Variants in LRP1B observed in about 807,000 individuals in gnomAD.
The protein encoded by LRP1B is low-density lipoprotein receptor-related protein 1B.
Under a neutral mutation model 556.6 loss-of-function variants are expected in LRP1B, and 217 were observed. The observed-to-expected ratio is 0.39, with a 90% CI of 0.35 to 0.44. LRP1B has a LOEUF of 0.44. LRP1B is among the 20% of genes least tolerant of loss of function. The pLI is 1.00. For synonymous variants in LRP1B, 2,047 were observed against 1,865.8 expected (o/e 1.10, Z -2.50); for missense variants, 5,053 against 5,620.8 (o/e 0.90, Z 3.23).
intron 31 of LRP1B, among the ~76,000 whole-genome samples, chr2:140,838,184 A>G (rs78067268): frequency 0.02 from 2,975 of 152,284 alleles, 131 homozygotes; most frequent in East Asian, 0.17. Flanking sequence ...CCAAATTACA[A>G]TGTAAGGACT....
At chr2:141,679,545 A>C (rs1035481636) in intron 2 of LRP1B, among the ~76,000 whole-genome samples, 1 of 152,196 alleles carries the variant, frequency 6.6e-6, no homozygotes, top group Non-Finnish European at 1.5e-5. Flanking sequence ...AACCAATTTG[A>C]CTATCTCTAG....
At chr2:140,871,076 A>C (rs545343424) in intron 25 of LRP1B, among the ~76,000 whole-genome samples, 15 of 152,300 alleles carry the variant, frequency 9.8e-5, no homozygotes, top group African/African-American at 3.6e-4. Context: ...TAAAACACTG[A>C]CATTTGGTAA....
intron 1 of LRP1B, among the ~76,000 whole-genome samples, chr2:141,825,830 C>T (rs1696901622): frequency 6.6e-6 from 1 of 152,102 alleles, no homozygotes; most frequent in African/African-American, 2.4e-5. Context: ...GAAGAGGTAA[C>T]CATAAGGACC....
intron 2 of LRP1B, among the ~76,000 whole-genome samples, chr2:141,660,271 C>G (rs550529898): frequency 3.3e-5 from 5 of 152,276 alleles, no homozygotes; most frequent in African/African-American, 9.6e-5. Flanking sequence ...AGTGACCATG[C>G]TACCCTGCCC....
rs1699262310 is a variant in LRP1B at position 141,058,964 on chromosome 2, T to G, written c.1327A>C (p.Asn443His). 1 of 1,600,338 alleles carries G rather than the reference T, an allele frequency of 6.2e-7. No individual in the cohort carries two copies. The highest frequency in any genetic ancestry group is 8.5e-7 in the Non-Finnish European group (1 of 1,172,500). Reference sequence around the variant, plus strand: ...ATTAATGAGTGAATATCAGTCCCATTAAATCGGTTTATCCTTACGATATTG... The same window carrying G: ...ATTAATGAGTGAATATCAGTCCCATGAAATCGGTTTATCCTTACGATATTG... Reference protein sequence around the residue: ...NYNIVRINRFNGTDIHSLIKI... With the variant: ...NYNIVRINRFHGTDIHSLIKI... The change falls in exon 9 of 91, where the codon AAT (asparagine) becomes CAT (histidine). Residue 443 changes from asparagine to histidine, a missense_variant. Coordinates refer to ENST00000389484, the MANE Select transcript of LRP1B (RefSeq NM_018557.3).
intron 2 of LRP1B, among the ~76,000 whole-genome samples, chr2:141,698,190 G>T (rs1002876686): frequency 1.3e-5 from 2 of 151,824 alleles, no homozygotes; most frequent in Admixed American, 1.3e-4. Flanking sequence ...GCACTTAAAA[G>T]TCACTCAGTG....
intron 32 of LRP1B, among the ~76,000 whole-genome samples, chr2:140,807,228 T>C (rs1435827411): frequency 1.3e-5 from 2 of 152,188 alleles, no homozygotes; most frequent in African/African-American, 4.8e-5. Context: ...TAGTAAAACA[T>C]TACATAGCTG....
rs189137996 is a variant in LRP1B at position 140,434,583 on chromosome 2, C to T, written c.10414+7921G>A. Among the ~76,000 whole-genome samples the T allele has an allele frequency of 2.4e-3, 368 of 152,260 alleles. 2 individuals carry two copies. Among genetic ancestry groups the T allele is most frequent in the African/African-American group, 8.5e-3 (354 of 41,546 alleles). ...ACAGTTATTTTAAAACTAAATTCTG[C>T]ACCACTTCTTCACTCCCTACTTTCA... On this transcript the variant is annotated intron_variant, in intron 66 of 90. Transcript: ENST00000389484.
chr2:141,431,057 G>T (rs553849339), intron 3 of LRP1B, among the ~76,000 whole-genome samples: 1 of 152,058 alleles, frequency 6.6e-6, no homozygotes, highest in East Asian at 1.9e-4. Flanking sequence ...TACTGCTTGA[G>T]CCCAGGAGGT....
intron 1 of LRP1B, among the ~76,000 whole-genome samples, chr2:141,886,890 T>A (rs1006672449): frequency 6.6e-6 from 1 of 152,098 alleles, no homozygotes; most frequent in Non-Finnish European, 1.5e-5. Flanking sequence ...TTGGTTGATA[T>A]CGCTGATTCA....
At chr2:142,130,600 G>A (rs750156479) in intron 1 of LRP1B, 48 bp downstream of exon 1, 3 of 1,498,950 alleles carry the variant, frequency 2.0e-6, no homozygotes, top group South Asian at 2.4e-5. Flanking sequence ...CGCCCAGCAG[G>A]AAAGCCAAGG....
intron 18 of LRP1B, among the ~76,000 whole-genome samples, chr2:140,952,592 CAA>C (rs1418644441): frequency 2.0e-5 from 3 of 151,400 alleles, no homozygotes; most frequent in Non-Finnish European, 4.4e-5. Flanking sequence ...ATAATTAAAT[CAA>C]GAGACCTCCT....
chr2:141,147,124 T>C (rs1574124381), intron 7 of LRP1B, among the ~76,000 whole-genome samples: 1 of 152,218 alleles, frequency 6.6e-6, no homozygotes, highest in African/African-American at 2.4e-5. Flanking sequence ...ACATGCTGCA[T>C]TCCCCCAGGA....
intron 3 of LRP1B, among the ~76,000 whole-genome samples, chr2:141,296,955 A>G (rs1686204073): frequency 6.6e-6 from 1 of 152,148 alleles, no homozygotes; most frequent in Non-Finnish European, 1.5e-5. Context: ...AGAACATGCA[A>G]TATTTGATTT....
chr2:141,882,608 T>C (rs909420328), intron 1 of LRP1B, among the ~76,000 whole-genome samples: 4 of 152,194 alleles, frequency 2.6e-5, no homozygotes, highest in Admixed American at 2.0e-4. Flanking sequence ...TGCCAGAGAA[T>C]GAGTTAATTA....
intron 1 of LRP1B, among the ~76,000 whole-genome samples, chr2:141,876,020 G>A (rs1489679160): frequency 2.0e-5 from 3 of 152,014 alleles, no homozygotes; most frequent in Admixed American, 6.6e-5. Context: ...GTATACTTTA[G>A]TATTTATTAA....
Position 140,297,380 on chromosome 2 carries a change from G to A in LRP1B, c.12967+428C>T, listed in dbSNP as rs1019049952. Among the ~76,000 whole-genome samples, 24 of 152,104 alleles carry A rather than the reference G, an allele frequency of 1.6e-4. 1 individual carries two copies. Among genetic ancestry groups the A allele is most frequent in the Non-Finnish European group, 5.9e-5 (4 of 68,004 alleles). On this transcript the variant is annotated intron_variant, in intron 84 of 90. Transcript: ENST00000389484. ...AATGGATTAGGGAACTACATAGAAA[G>A]CCTTAGTAAGTGCCCATTTGAAATT... is the stretch of plus-strand genomic sequence containing the variant.
intron 21 of LRP1B, among the ~76,000 whole-genome samples, chr2:140,910,932 T>C (rs1573870153): frequency 6.6e-6 from 1 of 151,780 alleles, no homozygotes; most frequent in East Asian, 1.9e-4. Context: ...AGAAAATGTT[T>C]TCATAAATAT....
intron 1 of LRP1B, among the ~76,000 whole-genome samples, chr2:141,951,771 G>C (rs1212390523): frequency 1.3e-5 from 2 of 152,024 alleles, no homozygotes; most frequent in African/African-American, 4.8e-5. Context: ...TATAAATTAG[G>C]GGGTATTCAA....
Sources: allele counts gnomAD v4.1 joint callset (sites outside exome capture counted in the v4.1 genomes callset), GRCh38; gene constraint gnomAD v4.1.1; transcripts MANE v1.5; gene names NCBI Gene and HGNC (gene_info 2026-07-23, HGNC 2026-07-21).